SETBP1: variants seen among roughly 807,000 people sequenced by gnomAD.
The protein encoded by SETBP1 is SET-binding protein.
A neutral mutation model predicts 101.0 loss-of-function variants in SETBP1; 9 were observed. That is an observed-to-expected ratio of 0.09 (90% CI 0.05 to 0.16). The LOEUF is 0.16. Among genes scored for constraint, SETBP1 ranks in the 10% least tolerant of loss-of-function variants. The pLI is 1.00. For synonymous variants in SETBP1, 818 were observed against 788.5 expected (o/e 1.04, Z -0.63); for missense variants, 1,858 against 2,033.8 (o/e 0.91, Z 1.66).
chr18:45,023,537 A>G (rs1599460975), intron 4 of SETBP1, among the ~76,000 whole-genome samples: 1 of 152,224 alleles, frequency 6.6e-6, no homozygotes, highest in African/African-American at 2.4e-5. Flanking sequence ...ATAGCCAACC[A>G]CCAGCCGTTG....
intron 5 of SETBP1, among the ~76,000 whole-genome samples, chr18:45,040,542 G>GT (rs770605359): frequency 1.1e-4 from 17 of 152,172 alleles, no homozygotes; most frequent in Admixed American, 6.5e-5. Flanking sequence ...TAGCCTTTGT[G>GT]TTTCCACCTT....
chr18:44,915,808 C>G (rs1335796924), intron 3 of SETBP1, among the ~76,000 whole-genome samples: 2 of 152,184 alleles, frequency 1.3e-5, no homozygotes, highest in Non-Finnish European at 1.5e-5. Context: ...CATGAGATGA[C>G]TGTTATAATA....
At chr18:44,958,501 G>A (rs140731953) in intron 4 of SETBP1, among the ~76,000 whole-genome samples, 2 of 152,092 alleles carry the variant, frequency 1.3e-5, no homozygotes, top group Non-Finnish European at 2.9e-5. Flanking sequence ...TTTAGACTCA[G>A]CATTAAATAA....
chr18:44,948,719 C>T (rs1198857842), intron 3 of SETBP1, among the ~76,000 whole-genome samples: 6 of 152,152 alleles, frequency 3.9e-5, no homozygotes, highest in Non-Finnish European at 8.8e-5. Context: ...CTACTTTGAA[C>T]TAGTATCATG....
chr18:44,750,445 C>T (rs1036556480), intron 2 of SETBP1, among the ~76,000 whole-genome samples: 3 of 152,198 alleles, frequency 2.0e-5, no homozygotes, highest in Admixed American at 6.5e-5. Context: ...AAAGGCCCCA[C>T]CTCCTAATAT....
At chr18:44,750,118 A>G (rs1202976645) in intron 2 of SETBP1, among the ~76,000 whole-genome samples, 2 of 152,234 alleles carry the variant, frequency 1.3e-5, no homozygotes, top group African/African-American at 4.8e-5. Context: ...AAACTGGTTT[A>G]TTGATAGGAG....
chr18:45,002,386 C>T (rs2072635671), intron 4 of SETBP1, among the ~76,000 whole-genome samples: 1 of 151,286 alleles, frequency 6.6e-6, no homozygotes, highest in Non-Finnish European at 1.5e-5. Context: ...CCTCCTAAAG[C>T]ACATGGTCCT....
At chr18:44,991,607 C>T (rs908141486) in intron 4 of SETBP1, among the ~76,000 whole-genome samples, 30 of 152,120 alleles carry the variant, frequency 2.0e-4, no homozygotes, top group African/African-American at 7.2e-4. Flanking sequence ...TTTAAAATTT[C>T]TACTTATATG....
intron 4 of SETBP1, among the ~76,000 whole-genome samples, chr18:44,991,624 A>G (rs1284305792): frequency 6.6e-6 from 1 of 152,228 alleles, no homozygotes; most frequent in Admixed American, 6.5e-5. Flanking sequence ...TATGTGCATA[A>G]TAACATAGTT....
chr18:44,923,123 C>A (rs964551507), intron 3 of SETBP1, among the ~76,000 whole-genome samples: 1 of 152,200 alleles, frequency 6.6e-6, no homozygotes, highest in African/African-American at 2.4e-5. Flanking sequence ...GTACTGACAG[C>A]TTCAGGGATC....
At chr18:44,821,328 C>T (rs1361250520) in intron 2 of SETBP1, among the ~76,000 whole-genome samples, 1 of 152,228 alleles carries the variant, frequency 6.6e-6, no homozygotes, top group East Asian at 1.9e-4. Flanking sequence ...GCGTCTCTTT[C>T]CTTTTGCATC....
intron 3 of SETBP1, among the ~76,000 whole-genome samples, chr18:44,949,365 G>A (rs1032580462): frequency 7.9e-5 from 12 of 152,212 alleles, no homozygotes; most frequent in African/African-American, 2.7e-4. Context: ...AGGAGGAAGC[G>A]AGGAAAGACA....
intron 2 of SETBP1, among the ~76,000 whole-genome samples, chr18:44,850,092 C>A (rs1389471309): frequency 1.3e-5 from 2 of 152,122 alleles, no homozygotes; most frequent in Non-Finnish European, 2.9e-5. Flanking sequence ...TGCAGAGGAC[C>A]CCACAATGTT....
intron 2 of SETBP1, among the ~76,000 whole-genome samples, chr18:44,787,113 G>C (rs2071255776): frequency 6.6e-6 from 1 of 152,150 alleles, no homozygotes; most frequent in African/African-American, 2.4e-5. Flanking sequence ...TGCTTTCAAA[G>C]GTAATTTAGA....
chr18:44,823,680 C>A (rs954537248), intron 2 of SETBP1, among the ~76,000 whole-genome samples: 6 of 151,990 alleles, frequency 3.9e-5, no homozygotes, highest in Non-Finnish European at 8.8e-5. Flanking sequence ...GGCTTTTGTG[C>A]AATAAAGAAA....
intron 3 of SETBP1, among the ~76,000 whole-genome samples, chr18:44,944,742 A>T (rs147384288): frequency 4.6e-5 from 7 of 152,306 alleles, no homozygotes; most frequent in Non-Finnish European, 8.8e-5. Flanking sequence ...AGCTAACCCA[A>T]AAGAGTAGTT....
chr18:44,862,199 G>C (rs2069029803), intron 2 of SETBP1, among the ~76,000 whole-genome samples: 1 of 152,158 alleles, frequency 6.6e-6, no homozygotes, highest in South Asian at 2.1e-4. Flanking sequence ...GGGGGATTTT[G>C]TTAAAGATCT....
intron 2 of SETBP1, among the ~76,000 whole-genome samples, chr18:44,820,269 A>AT (rs377015241): frequency 3.9e-4 from 60 of 152,290 alleles, no homozygotes; most frequent in African/African-American, 1.2e-3. Flanking sequence ...TAGGGCATTC[A>AT]TTTTTTCAAT....
chr18:44,969,694 T>A (rs2071799319), intron 4 of SETBP1, among the ~76,000 whole-genome samples: 1 of 152,178 alleles, frequency 6.6e-6, no homozygotes, highest in African/African-American at 2.4e-5. Flanking sequence ...TCCAGGAAGC[T>A]GTGATTTAAT....
Sources: gnomAD v4.1 joint callset for allele counts (sites outside exome capture counted in the v4.1 genomes callset) on GRCh38, gnomAD v4.1.1 for gene constraint, MANE v1.5 for transcripts, NCBI Gene and HGNC (gene_info 2026-07-23, HGNC 2026-07-21) for gene names.